Variants in FOXJ3 observed in about 807,000 individuals in gnomAD.
FOXJ3 encodes the protein forkhead box protein J3.
Under a neutral mutation model 76.1 loss-of-function variants are expected in FOXJ3, and 22 were observed. That is an observed-to-expected ratio of 0.29 (90% CI 0.21 to 0.41). FOXJ3 has a LOEUF of 0.41. Ranked by LOEUF, FOXJ3 falls within the 10% of genes least tolerant of loss-of-function variation. FOXJ3 has a pLI of 1.00. For missense variants in FOXJ3, 613 were observed against 762.1 expected (o/e 0.80, Z 2.30); for synonymous variants, 269 against 261.2 (o/e 1.03, Z -0.29).
intron 6 of FOXJ3, among the ~76,000 whole-genome samples, chr1:42,200,163 A>T (rs889407389): frequency 6.6e-6 from 1 of 152,130 alleles, no homozygotes; most frequent in African/African-American, 2.4e-5. Context: ...ACACTGTATG[A>T]CCAGCACTCT....
intron 2 of FOXJ3, among the ~76,000 whole-genome samples, chr1:42,300,126 G>A (rs1190825298): frequency 2.0e-5 from 3 of 152,062 alleles, no homozygotes; most frequent in Non-Finnish European, 4.4e-5. Context: ...CTTGTACCCG[G>A]GAGGCAGAGG....
intron 7 of FOXJ3, among the ~76,000 whole-genome samples, chr1:42,197,360 G>T (rs141566656): frequency 2.6e-5 from 4 of 152,208 alleles, no homozygotes; most frequent in South Asian, 2.1e-4. Context: ...AGAAAAAAAG[G>T]GGGGGAGGTC....
intron 5 of FOXJ3, among the ~76,000 whole-genome samples, chr1:42,213,165 A>G (rs1348291505): frequency 6.6e-6 from 1 of 152,110 alleles, no homozygotes; most frequent in Non-Finnish European, 1.5e-5. Flanking sequence ...ACAATAACAC[A>G]AGGAAGAAAA....
intron 11 of FOXJ3, among the ~76,000 whole-genome samples, chr1:42,183,037 G>C (rs1299649226): frequency 6.6e-6 from 1 of 150,512 alleles, no homozygotes; most frequent in East Asian, 2.0e-4. Context: ...CACTTTGGGA[G>C]GCAGAGGCGG....
chr1:42,272,915 A>C lies in FOXJ3; in HGVS notation c.369+5433T>G, dbSNP rs772013410. Among the ~76,000 whole-genome samples the C allele has an allele frequency of 8.9e-4, 136 of 152,164 alleles. 2 individuals carry two copies. The highest frequency in any genetic ancestry group is 2.1e-4 in the Non-Finnish European group (14 of 68,026). ...CCACTATAACCAAGTGCTTCCTAAC[A>C]CTTGAACTTTGAAAAACACCTCCAC... On this transcript the variant is annotated intron_variant, in intron 3 of 12. Coordinates refer to ENST00000361346, the MANE Select transcript of FOXJ3 (RefSeq NM_014947.5).
chr1:42,212,430 C>A (rs767632939), intron 5 of FOXJ3, among the ~76,000 whole-genome samples: 43 of 152,054 alleles, frequency 2.8e-4, no homozygotes, highest in Non-Finnish European at 4.6e-4. Flanking sequence ...TAGAGAACTA[C>A]AAAATGTGGT....
At chr1:42,277,091 C>T (rs953703258) in intron 3 of FOXJ3, among the ~76,000 whole-genome samples, 7 of 152,140 alleles carry the variant, frequency 4.6e-5, no homozygotes, top group African/African-American at 1.4e-4. Flanking sequence ...ACATGGGAAC[C>T]TTCTGTATTG....
chr1:42,334,868 T>C (rs1454355561), intron 1 of FOXJ3, 191 bp downstream of exon 1: 1 of 151,976 alleles, frequency 6.6e-6, no homozygotes, highest in Non-Finnish European at 1.5e-5. Context: ...GACCCAGCCC[T>C]CGGCGTCCGC....
chr1:42,298,320 T>C (rs911876787), intron 2 of FOXJ3, among the ~76,000 whole-genome samples: 16 of 152,216 alleles, frequency 1.1e-4, no homozygotes, highest in African/African-American at 3.6e-4. Context: ...TACAGAAGTT[T>C]TCCTTTATTA....
chr1:42,195,735 G>A (rs1490039024), intron 7 of FOXJ3, among the ~76,000 whole-genome samples: 4 of 152,258 alleles, frequency 2.6e-5, no homozygotes, highest in African/African-American at 4.8e-5. Flanking sequence ...AGAAACTTAC[G>A]CAGCCATTAA....
intron 4 of FOXJ3, among the ~76,000 whole-genome samples, chr1:42,254,750 TG>T (rs2124587031): frequency 7.0e-6 from 1 of 143,310 alleles, no homozygotes; most frequent in Admixed American, 7.2e-5. Context: ...CACTCATAGA[TG>T]GGAATTGAGC....
At chr1:42,206,628 T>C (rs1054522825) in intron 5 of FOXJ3, among the ~76,000 whole-genome samples, 10 of 152,316 alleles carry the variant, frequency 6.6e-5, no homozygotes, top group Admixed American at 2.0e-4. Flanking sequence ...ACATATTAGA[T>C]GTACATATTT....
At chr1:42,266,768 A>AACC (rs1651495728) in intron 3 of FOXJ3, among the ~76,000 whole-genome samples, 1 of 152,138 alleles carries the variant, frequency 6.6e-6, no homozygotes. Flanking sequence ...AAAGCCCACC[A>AACC]ACCTTCCATA....
chr1:42,325,018 T>C (rs966181364), intron 1 of FOXJ3, among the ~76,000 whole-genome samples: 1 of 152,166 alleles, frequency 6.6e-6, no homozygotes, highest in Non-Finnish European at 1.5e-5. Flanking sequence ...CCACTGTATA[T>C]ATATGCCCCA....
intron 4 of FOXJ3, among the ~76,000 whole-genome samples, chr1:42,242,559 A>G (rs367751236): frequency 2.6e-5 from 3 of 115,422 alleles, no homozygotes; most frequent in Admixed American, 1.1e-4. Context: ...AAATAACTCA[A>G]TAAGACCAAA....
intron 2 of FOXJ3, among the ~76,000 whole-genome samples, chr1:42,291,300 A>T (rs550353581): frequency 2.0e-5 from 3 of 152,372 alleles, no homozygotes; most frequent in Non-Finnish European, 4.4e-5. Context: ...TAAAACCTGC[A>T]GGAGAAATCA....
At chr1:42,245,888 A>T (rs1649513084) in intron 4 of FOXJ3, among the ~76,000 whole-genome samples, 1 of 152,204 alleles carries the variant, frequency 6.6e-6, no homozygotes, top group Admixed American at 6.5e-5. Context: ...CTCTTTGCAC[A>T]TGACATGACC....
intron 5 of FOXJ3, among the ~76,000 whole-genome samples, chr1:42,208,507 G>A (rs1005301845): frequency 1.3e-5 from 2 of 151,968 alleles, no homozygotes; most frequent in African/African-American, 4.8e-5. Context: ...TGACAAAAAC[G>A]CTCAACAAAA....
intron 5 of FOXJ3, among the ~76,000 whole-genome samples, chr1:42,218,642 T>C (rs1214368276): frequency 2.0e-5 from 3 of 152,210 alleles, no homozygotes; most frequent in African/African-American, 7.2e-5. Context: ...TTACCACTTA[T>C]ATTCTACACA....
Sources: allele counts gnomAD v4.1 joint callset (sites outside exome capture counted in the v4.1 genomes callset), GRCh38; gene constraint gnomAD v4.1.1; transcripts MANE v1.5; gene names NCBI Gene and HGNC (gene_info 2026-07-23, HGNC 2026-07-21).